Variants in KCNH7 observed in about 807,000 individuals in gnomAD.
The protein encoded by KCNH7 is voltage-gated inwardly rectifying potassium channel KCNH7.
Under a neutral mutation model 120.8 loss-of-function variants are expected in KCNH7, and 49 were observed. That is an observed-to-expected ratio of 0.41 (90% CI 0.32 to 0.51). The LOEUF (loss-of-function observed/expected upper bound fraction) is 0.51, where lower values mean the gene tolerates loss of function less well. Ranked by LOEUF, KCNH7 falls within the 20% of genes least tolerant of loss-of-function variation. The pLI is 0.38. For synonymous variants in KCNH7, 547 were observed against 516.1 expected (o/e 1.06, Z -0.81); for missense variants, 1,097 against 1,446.6 (o/e 0.76, Z 3.92).
At chr2:162,529,758 G>A (rs1691850667) in intron 3 of KCNH7, among the ~76,000 whole-genome samples, 1 of 151,814 alleles carries the variant, frequency 6.6e-6, no homozygotes, top group Admixed American at 6.6e-5. Context: ...TTTAAATGTG[G>A]CCCCTTATGC....
intron 6 of KCNH7, among the ~76,000 whole-genome samples, chr2:162,461,396 T>C (rs1045312807): frequency 2.0e-5 from 3 of 152,228 alleles, no homozygotes; most frequent in Admixed American, 2.0e-4. Flanking sequence ...ATAACAAATG[T>C]ATATAGTTCC....
intron 2 of KCNH7, among the ~76,000 whole-genome samples, chr2:162,647,201 T>A (rs1369523173): frequency 6.6e-6 from 1 of 152,172 alleles, no homozygotes. Context: ...CCCAAACTGC[T>A]AAGAGATTTA....
intron 2 of KCNH7, among the ~76,000 whole-genome samples, chr2:162,613,523 T>C (rs1229453926): frequency 2.6e-5 from 4 of 152,054 alleles, no homozygotes. Flanking sequence ...ATTTAAGCTT[T>C]TCATCAAAAT....
intron 9 of KCNH7, among the ~76,000 whole-genome samples, chr2:162,416,140 C>T (rs776772431): frequency 9.2e-5 from 14 of 152,056 alleles, no homozygotes; most frequent in Non-Finnish European, 1.8e-4. Flanking sequence ...CCTGTAATCC[C>T]ACCACTTTGG....
chr2:162,445,039 C>G (rs1688535291), intron 7 of KCNH7, among the ~76,000 whole-genome samples: 1 of 151,994 alleles, frequency 6.6e-6, no homozygotes, highest in Non-Finnish European at 1.5e-5. Flanking sequence ...GTTTCATTGC[C>G]CTGCTCTTAA....
chr2:162,733,532 A>G (rs1178758791), intron 2 of KCNH7, among the ~76,000 whole-genome samples: 1 of 152,248 alleles, frequency 6.6e-6, no homozygotes, highest in Non-Finnish European at 1.5e-5. Context: ...CTTCTAGTCT[A>G]TTCTCAGAAC....
intron 2 of KCNH7, among the ~76,000 whole-genome samples, chr2:162,658,752 T>C (rs570974159): frequency 6.6e-6 from 1 of 152,266 alleles, no homozygotes; most frequent in Admixed American, 6.5e-5. Context: ...GCATTATATT[T>C]TAAATTTCAA....
At chr2:162,542,469 C>T (rs1221227624) in intron 2 of KCNH7, among the ~76,000 whole-genome samples, 1 of 135,222 alleles carries the variant, frequency 7.4e-6, no homozygotes, top group Non-Finnish European at 1.5e-5. Flanking sequence ...TCTCACTGTT[C>T]AATTCCCATC....
chr2:162,745,800 T>G (rs932069067), intron 2 of KCNH7, among the ~76,000 whole-genome samples: 23 of 152,092 alleles, frequency 1.5e-4, no homozygotes, highest in African/African-American at 5.3e-4. Context: ...TCTCTACAAT[T>G]CTATATGTCT....
chr2:162,487,999 C>T (rs1287168346), intron 6 of KCNH7, among the ~76,000 whole-genome samples: 1 of 152,210 alleles, frequency 6.6e-6, no homozygotes, highest in African/African-American at 2.4e-5. Flanking sequence ...CATTAGGCAA[C>T]CCACCTTGAA....
At position 162,632,367 on chromosome 2, in the gene KCNH7, T is replaced by G. The variant is rs557559379; in HGVS notation, c.308-95287A>C. ...TTAACTGATTGTGTGGTGCTGAAAA[T>G]AACTCAATAATTATAGAAGTATATC... On this transcript the variant is annotated intron_variant, in intron 2 of 15. Transcript: ENST00000332142. Among the ~76,000 whole-genome samples, 3 of 152,000 alleles carry G rather than the reference T, an allele frequency of 2.0e-5. No homozygotes were observed. In the South Asian group the frequency reaches 6.2e-4, roughly 31 times the overall value.
chr2:162,676,958 T>G (rs1470221833), intron 2 of KCNH7, among the ~76,000 whole-genome samples: 1 of 151,534 alleles, frequency 6.6e-6, no homozygotes, highest in Non-Finnish European at 1.5e-5. Context: ...GTAGAAATGA[T>G]TTTTTAAGGA....
At chr2:162,412,938 C>T (rs1687432107) in intron 9 of KCNH7, among the ~76,000 whole-genome samples, 1 of 152,056 alleles carries the variant, frequency 6.6e-6, no homozygotes, top group South Asian at 2.1e-4. Flanking sequence ...CCATATTTAA[C>T]AATCTGATCT....
In KCNH7 at chr2:162,373,432, G is replaced by A. The variant is rs753792499; in HGVS notation, c.3324+38C>T. On this transcript the variant is annotated intron_variant, in intron 15 of 15. Transcript: ENST00000332142. ...ATTAGGTGACCCCTGGAAACACACT[G>A]TGAGAGACACTCTTGGTTGGATGGT... 4 of 1,405,058 alleles carry A rather than the reference G, an allele frequency of 2.8e-6. No homozygotes were observed. The African/African-American group carries it at 5.9e-5, about 21-fold the overall frequency. The allele number at this position is 1,405,058 out of a possible 1,614,324, so 87.0% of individuals were successfully genotyped here. A position where few individuals can be genotyped will look rare whatever the true frequency, so the allele number is the denominator to read the frequency against.
intron 10 of KCNH7, among the ~76,000 whole-genome samples, chr2:162,399,473 T>TA: frequency 6.6e-6 from 1 of 151,942 alleles, no homozygotes; most frequent in Admixed American, 6.6e-5. Context: ...CTGCACCCAT[T>TA]AACTCATCAT....
At chr2:162,815,135 A>G (rs903394833) in intron 2 of KCNH7, among the ~76,000 whole-genome samples, 3 of 152,186 alleles carry the variant, frequency 2.0e-5, no homozygotes, top group African/African-American at 4.8e-5. Context: ...AATATTTCAA[A>G]TTTAAAGACC....
intron 10 of KCNH7, among the ~76,000 whole-genome samples, chr2:162,398,662 C>A (rs190653540): frequency 1.3e-5 from 2 of 151,964 alleles, no homozygotes. Flanking sequence ...ATGGATATGT[C>A]TTAGCAACAC....
At chr2:162,814,910 GT>G (rs1684865686) in intron 2 of KCNH7, among the ~76,000 whole-genome samples, 1 of 152,106 alleles carries the variant, frequency 6.6e-6, no homozygotes, top group Admixed American at 6.6e-5. Context: ...ATTTGAAGCA[GT>G]TTTCCTATCT....
intron 2 of KCNH7, among the ~76,000 whole-genome samples, chr2:162,773,291 C>T (rs1290529680): frequency 6.6e-6 from 1 of 152,016 alleles, no homozygotes; most frequent in Non-Finnish European, 1.5e-5. Context: ...AGTTCGAGAC[C>T]AGCCTGGCCA....
Sources: allele counts gnomAD v4.1 joint callset (sites outside exome capture counted in the v4.1 genomes callset), GRCh38; gene constraint gnomAD v4.1.1; transcripts MANE v1.5; gene names NCBI Gene and HGNC (gene_info 2026-07-23, HGNC 2026-07-21).